Variants in RNF139 observed in about 807,000 individuals in gnomAD.
RNF139 encodes E3 ubiquitin-protein ligase RNF139.
A neutral mutation model predicts 49.5 loss-of-function variants in RNF139; 15 were observed. The ratio of observed to expected loss-of-function variants is 0.30; its 90% confidence interval spans 0.20 to 0.47. The LOEUF (loss-of-function observed/expected upper bound fraction) is 0.47, where lower values mean the gene tolerates loss of function less well. Ranked by LOEUF, RNF139 falls within the 20% of genes least tolerant of loss-of-function variation. The pLI is 1.00. For missense variants in RNF139, 619 were observed against 806.3 expected (o/e 0.77, Z 2.81); for synonymous variants, 325 against 300.9 (o/e 1.08, Z -0.83).
chr8:124,479,995 G>C (rs904914112), intron 1 of RNF139, among the ~76,000 whole-genome samples: 28 of 151,996 alleles, frequency 1.8e-4, no homozygotes, highest in Admixed American at 1.4e-3. Flanking sequence ...AGCCATACTT[G>C]GTGGTGGGTG....
chr8:124,486,666 G>C lies in RNF139; in HGVS notation c.1017G>C (p.Gly339=), dbSNP rs762387529. The C allele has an allele frequency of 6.2e-7, 1 of 1,614,110 alleles. No homozygotes were observed. The highest frequency in any genetic ancestry group is 2.2e-5 in the East Asian group (1 of 44,882). ...VLFFILALQT[G]LSGLRPEERL... The stretch of plus-strand genomic sequence containing the variant: ...TTTTTATTTTGGCTCTTCAGACTGG[G>C]TTAAGTGGGCTAAGACCAGAAGAGA... Residue 339 remains glycine (G), a synonymous_variant, in exon 2 of 2, where the codon GGG becomes GGC. Transcript: ENST00000303545.
chr8:124,482,939 AAAAAAT>A (rs1248266323), intron 1 of RNF139, among the ~76,000 whole-genome samples: 1 of 89,562 alleles, frequency 1.1e-5, no homozygotes, highest in Non-Finnish European at 2.4e-5. Flanking sequence ...AAAATATAAA[AAAAAAT>A]ATATATATAT....
In RNF139 at chr8:124,488,404, A is replaced by AAGAT. The variant is rs574710344; in HGVS notation, c.*762_*765dup. 36 of 416,150 alleles carry AAGAT rather than the reference A, an allele frequency of 8.7e-5. No individual in the cohort carries two copies. The South Asian group carries it at 2.2e-3, about 25-fold the overall frequency. The allele number at this position is 416,150 out of a possible 1,614,324, so 25.8% of individuals were successfully genotyped here. A position where few individuals can be genotyped will look rare whatever the true frequency, so the allele number is the denominator to read the frequency against. ...AGTTTTTTTTAAATTGTTTTAAACTAAGATACTCAATGATATAAAAACATC... is the reference window on the plus strand; with the variant it reads ...AGTTTTTTTTAAATTGTTTTAAACTAAGATAGATACTCAATGATATAAAAACATC... On this transcript the variant is annotated 3_prime_UTR_variant, in exon 2 of 2. Transcript: ENST00000303545.
rs1554601148 is a variant in RNF139, at chr8:124,482,943, A to AAT, written c.182-2874_182-2873dup. Among the ~76,000 whole-genome samples, 73 of 94,594 alleles carry AAT rather than the reference A, an allele frequency of 7.7e-4. 2 individuals carry two copies. The highest frequency in any genetic ancestry group is 8.5e-4 in the Non-Finnish European group (42 of 49,200). The allele number at this position is 94,594 out of a possible 152,430, so 62.1% of individuals were successfully genotyped here. On this transcript the variant is annotated intron_variant, in intron 1 of 1. Coordinates refer to ENST00000303545, the MANE Select transcript of RNF139 (RefSeq NM_007218.4). ...CTCCATTAAAAAAAATATAAAAAAA[A>AAT]ATATATATATATATAATATATATAT...
At chr8:124,477,581 C>CAACT (rs1816334564) in intron 1 of RNF139, among the ~76,000 whole-genome samples, 1 of 152,174 alleles carries the variant, frequency 6.6e-6, no homozygotes, top group African/African-American at 2.4e-5. Context: ...AATGGTGCTA[C>CAACT]AACTGTACCT....
At chr8:124,481,846 A>C (rs1325084169) in intron 1 of RNF139, among the ~76,000 whole-genome samples, 1 of 152,178 alleles carries the variant, frequency 6.6e-6, no homozygotes, top group Non-Finnish European at 1.5e-5. Flanking sequence ...AAATGCAGTG[A>C]AACTTTGATA....
At position 124,482,977 on chromosome 8, in the gene RNF139, A is replaced by AATAT. The variant is rs377661619; in HGVS notation, c.182-2845_182-2842dup. On this transcript the variant is annotated intron_variant, in intron 1 of 1. Coordinates refer to ENST00000303545, the MANE Select transcript of RNF139 (RefSeq NM_007218.4). ...ATATATAATATATATATATTATTTA[A>AATAT]ATATATATATATTTAAAAATATATA... Among the ~76,000 whole-genome samples, 259 of 91,478 alleles carry AATAT rather than the reference A, an allele frequency of 2.8e-3. 20 individuals carry two copies. The highest frequency in any genetic ancestry group is 0.012 in the African/African-American group (250 of 21,474). The allele number at this position is 91,478 out of a possible 152,430, so 60.0% of individuals were successfully genotyped here.
intron 1 of RNF139, among the ~76,000 whole-genome samples, chr8:124,480,297 C>T (rs1205723754): frequency 2.7e-5 from 4 of 147,820 alleles, no homozygotes; most frequent in Non-Finnish European, 5.9e-5. Context: ...AAAGCAAATA[C>T]ATAATGAAGA....
chr8:124,483,073 T>TATTTAAATATATATATAAAAATATA (rs374935639), intron 1 of RNF139, among the ~76,000 whole-genome samples: 5 of 37,634 alleles, frequency 1.3e-4, no homozygotes, highest in African/African-American at 3.3e-4. Context: ...TATATATATA[T>TATTTAAATATATATATAAAAATATA]TATTTAAATA....
At chr8:124,478,182 C>G (rs1563629525) in intron 1 of RNF139, among the ~76,000 whole-genome samples, 1 of 151,580 alleles carries the variant, frequency 6.6e-6, no homozygotes, top group Non-Finnish European at 1.5e-5. Flanking sequence ...CTTATACTCC[C>G]TTAGGAAAAT....
intron 1 of RNF139, among the ~76,000 whole-genome samples, chr8:124,477,704 G>T (rs897986558): frequency 2.6e-5 from 4 of 152,152 alleles, no homozygotes; most frequent in African/African-American, 9.7e-5. Context: ...AGAACATAAA[G>T]CTGTGTTTTA....
chr8:124,479,464 A>G (rs1816370026), intron 1 of RNF139, among the ~76,000 whole-genome samples: 1 of 152,218 alleles, frequency 6.6e-6, no homozygotes, highest in Non-Finnish European at 1.5e-5. Flanking sequence ...AAACCTCTGA[A>G]GTGAAAAAAC....
chr8:124,475,469 T>A (rs1031214723), intron 1 of RNF139, among the ~76,000 whole-genome samples, 179 bp downstream of exon 1: 1 of 152,206 alleles, frequency 6.6e-6, no homozygotes, highest in Non-Finnish European at 1.5e-5. Flanking sequence ...CTTGTCTGAG[T>A]TGACAGCGGA....
chr8:124,487,262 G>T lies in RNF139; in HGVS notation c.1613G>T (p.Ser538Ile). 1 of 1,613,868 alleles carries T rather than the reference G, an allele frequency of 6.2e-7. No individual in the cohort carries two copies. The change falls in exon 2 of 2, where the codon AGC becomes ATC. Residue 538 changes from serine to isoleucine, a missense_variant. Physicochemically the swap from Ser to Ile is moderately radical, Grantham distance 142. Transcript: ENST00000303545. ...KINSLPEIKG[S>I]RLQEINDVCA... ...AATTCACTTCCTGAAATAAAAGGGA[G>T]CCGCTTACAAGAAATAAATGATGTA...
Position 124,474,932 on chromosome 8 carries a change from G to C in RNF139, c.-178G>C. ...CGCCCTCTCGGCCATCGCTGCCTCC[G>C]CCGCCTGCTCCACCTCGAGGGACGC... On this transcript the variant is annotated 5_prime_UTR_variant, in exon 1 of 2. Coordinates refer to ENST00000303545, the MANE Select transcript of RNF139 (RefSeq NM_007218.4). This position sits in a 1 kb window ranked among gnomAD's most constrained non-coding sequence, Gnocchi z 4.6. The C allele has an allele frequency of 8.3e-6, 3 of 363,570 alleles. No individual in the cohort carries two copies. The highest frequency in any genetic ancestry group is 1.4e-5 in the Non-Finnish European group (3 of 212,456). The allele number at this position is 363,570 out of a possible 1,614,324, so 22.5% of individuals were successfully genotyped here.
chr8:124,487,499 C>T lies in RNF139; in HGVS notation c.1850C>T (p.Ala617Val). ...CCACCCAATGAAACTCCAGAGGAAG[C>T]TGTAAGAGAAGCTGCTGCTGAATCT... ...FIPPNETPEEAVREAAAESDR... is the reference protein window; with the variant it reads ...FIPPNETPEEVVREAAAESDR... The change falls in exon 2 of 2, where the codon GCT (alanine) becomes GTT (valine). Residue 617 changes from alanine to valine, a missense_variant. Transcript: ENST00000303545. The T allele has an allele frequency of 6.2e-7, 1 of 1,614,016 alleles. No homozygotes were observed. Among genetic ancestry groups the T allele is most frequent in the Admixed American group, 1.7e-5 (1 of 60,010 alleles).
intron 1 of RNF139, among the ~76,000 whole-genome samples, chr8:124,481,621 G>A (rs908162421): frequency 6.6e-6 from 1 of 152,052 alleles, no homozygotes; most frequent in Non-Finnish European, 1.5e-5. Flanking sequence ...AAACTCTAGT[G>A]AACTCTCTTA....
rs1370346658 is a variant in RNF139, at chr8:124,482,032, T to C, written c.182-3799T>C. Among the ~76,000 whole-genome samples the C allele has an allele frequency of 2.0e-5, 3 of 152,096 alleles. No homozygotes were observed. In the East Asian group the frequency reaches 5.8e-4, roughly 29 times the overall value. ...CTTTGGGTAGGAATTAAAACAAACATATACTATTCTTGAAATGTTAACTCA... is the reference window on the plus strand; with the variant it reads ...CTTTGGGTAGGAATTAAAACAAACACATACTATTCTTGAAATGTTAACTCA... On this transcript the variant is annotated intron_variant, in intron 1 of 1. Transcript: ENST00000303545.
Position 124,487,207 on chromosome 8 carries a change from A to G in RNF139, c.1558A>G (p.Met520Val). The G allele has an allele frequency of 6.2e-7, 1 of 1,614,006 alleles. No individual in the cohort carries two copies. The highest frequency in any genetic ancestry group is 8.5e-7 in the Non-Finnish European group (1 of 1,179,932). The change falls in exon 2 of 2, where the codon ATG becomes GTG. Residue 520 changes from methionine to valine, a missense_variant. Coordinates refer to ENST00000303545, the MANE Select transcript of RNF139 (RefSeq NM_007218.4). ...LQAKNGWKTF[M>V]NRRTAVKKIN... ...AGCCAAAAATGGCTGGAAGACATTT[A>G]TGAATCGTAGGACTGCTGTGAAGAA...
Sources: gnomAD v4.1 joint callset for allele counts (sites outside exome capture counted in the v4.1 genomes callset) on GRCh38, gnomAD v4.1.1 for gene constraint, Gnocchi (gnomAD v3.1) non-coding constraint, MANE v1.5 for transcripts, NCBI Gene and HGNC (gene_info 2026-07-23, HGNC 2026-07-21) for gene names.